MAMDC2: variants seen among roughly 807,000 people sequenced by gnomAD.
MAMDC2 encodes MAM domain containing 2, also known as MAM domain-containing protein 2.
Under a neutral mutation model 89.8 loss-of-function variants are expected in MAMDC2, and 57 were observed. The ratio of observed to expected loss-of-function variants is 0.63; its 90% CI spans 0.51 to 0.79. The LOEUF (loss-of-function observed/expected upper bound fraction) is 0.79, where lower values mean the gene tolerates loss of function less well. Ranked by LOEUF, MAMDC2 falls within the 30% of genes least tolerant of loss-of-function variation. MAMDC2 has a pLI of 0.00. For missense variants in MAMDC2, 800 were observed against 820.6 expected, an observed-to-expected ratio of 0.97 and a Z score of 0.31; for synonymous variants, 313 against 293.4, an observed-to-expected ratio of 1.07 and a Z score of -0.68.
chr9:70,204,264 T>G (rs1403796424), intron 11 of MAMDC2, among the ~76,000 whole-genome samples: 1 of 150,454 alleles, frequency 6.6e-6, no homozygotes, highest in Non-Finnish European at 1.5e-5. Flanking sequence ...TTGTTAGTTT[T>G]CCTTCTAACA....
intron 12 of MAMDC2, among the ~76,000 whole-genome samples, chr9:70,224,053 A>C (rs1260091209): frequency 6.6e-6 from 1 of 152,164 alleles, no homozygotes; most frequent in Non-Finnish European, 1.5e-5. Context: ...GAAGGCCAAA[A>C]AAACAGATTT....
chr9:70,179,375 T>C (rs896255851), intron 11 of MAMDC2, among the ~76,000 whole-genome samples: 35 of 145,544 alleles, frequency 2.4e-4, no homozygotes, highest in Admixed American at 1.9e-3. Context: ...ACACACAAAA[T>C]TAGCTGGGTG....
At chr9:70,067,364 C>A (rs888139827) in intron 2 of MAMDC2, among the ~76,000 whole-genome samples, 3 of 152,130 alleles carry the variant, frequency 2.0e-5, no homozygotes, top group African/African-American at 4.8e-5. Context: ...CATGGAGGGA[C>A]ACTCCCTGTC....
intron 12 of MAMDC2, among the ~76,000 whole-genome samples, chr9:70,224,923 T>C (rs748996108): frequency 3.3e-5 from 5 of 152,198 alleles, no homozygotes; most frequent in Non-Finnish European, 7.3e-5. Context: ...TATTCTTTAA[T>C]TTTAGGGAGG....
At chr9:70,153,245 A>C (rs1184792175) in intron 9 of MAMDC2, 1 of 152,244 alleles carries the variant, frequency 6.6e-6, no homozygotes, top group African/African-American at 2.4e-5. Flanking sequence ...AATAGAGAGC[A>C]GGTAATCAAC....
At chr9:70,165,260 C>A (rs946411794) in intron 9 of MAMDC2, among the ~76,000 whole-genome samples, 4 of 152,156 alleles carry the variant, frequency 2.6e-5, no homozygotes, top group African/African-American at 9.7e-5. Context: ...CACTCATCCG[C>A]TTGCCCAGTC....
Position 70,047,434 on chromosome 9 carries a change from T to C in MAMDC2, c.148+2737T>C, listed in dbSNP as rs758242186. ...GTTCTCATTGTTCAACTCCCACTTA[T>C]GAGTGAGAACATGAGGTGTTTGGTT... On this transcript the variant is annotated intron_variant, in intron 2 of 13. Coordinates refer to ENST00000377182, the MANE Select transcript of MAMDC2 (RefSeq NM_153267.5). Among the ~76,000 whole-genome samples the C allele has an allele frequency of 2.2e-4, 33 of 152,184 alleles. 1 individual carries two copies. The highest frequency in any genetic ancestry group is 4.3e-4 in the Non-Finnish European group (29 of 68,030).
At chr9:70,176,674 C>G (rs907349665) in intron 11 of MAMDC2, among the ~76,000 whole-genome samples, 7 of 152,172 alleles carry the variant, frequency 4.6e-5, no homozygotes, top group African/African-American at 1.7e-4. Flanking sequence ...TTCCACTTTT[C>G]TAACTAACTC....
chr9:70,204,980 G>T (rs1021423862), intron 11 of MAMDC2, among the ~76,000 whole-genome samples: 16 of 152,164 alleles, frequency 1.1e-4, no homozygotes, highest in African/African-American at 3.9e-4. Flanking sequence ...AGATGCACCC[G>T]GTACCTCAGA....
chr9:70,200,723 T>G lies in MAMDC2; in HGVS notation c.1652-17614T>G, dbSNP rs1176695538. Among the ~76,000 whole-genome samples the G allele has an allele frequency of 2.7e-5, 4 of 146,784 alleles. No homozygotes were observed. The East Asian group carries it at 8.3e-4, about 30-fold the overall frequency. ...TCCATTTGTTTGTATCCTCTTTTAT[T>G]TCCTTGAGCAGTGGTTTGTAGTTCT... On this transcript the variant is annotated intron_variant, in intron 11 of 13. Transcript: ENST00000377182.
chr9:70,136,031 G>A (rs1475710094), intron 7 of MAMDC2, among the ~76,000 whole-genome samples: 1 of 152,030 alleles, frequency 6.6e-6, no homozygotes, highest in Non-Finnish European at 1.5e-5. Context: ...CATGCCTATG[G>A]TCCCAGCTTC....
chr9:70,062,747 T>C (rs1194396673), intron 2 of MAMDC2: 1 of 152,232 alleles, frequency 6.6e-6, no homozygotes, highest in African/African-American at 2.4e-5. Flanking sequence ...TGGGTCTGGC[T>C]GTTGAAGAGA....
Position 70,108,386 on chromosome 9 carries a change from T to G in MAMDC2, c.324T>G (p.Asp108Glu), listed in dbSNP as rs142157474. The G allele has an allele frequency of 3.0e-5, 49 of 1,614,020 alleles. No individual in the cohort carries two copies. The African/African-American group carries it at 5.5e-4, about 18-fold the overall frequency. Residue 108 changes from aspartate to glutamate, a missense_variant, in exon 3 of 14, where the codon GAT becomes GAG. By Grantham distance (45) the Asp-to-Glu change is conservative. Transcript: ENST00000377182. Reference protein sequence around the residue: ...SQLNLYMRFEDESFDRLLWSA... With the variant: ...SQLNLYMRFEEESFDRLLWSA... ...TGAACCTCTACATGAGATTTGAAGATGAAAGCTTTGATCGCTTGCTTTGGT... is the reference window on the plus strand; with the variant it reads ...TGAACCTCTACATGAGATTTGAAGAGGAAAGCTTTGATCGCTTGCTTTGGT...
At chr9:70,146,667 T>G (rs1325668216) in intron 9 of MAMDC2, among the ~76,000 whole-genome samples, 1 of 152,120 alleles carries the variant, frequency 6.6e-6, no homozygotes, top group Non-Finnish European at 1.5e-5. Flanking sequence ...GAGTAGTGGC[T>G]CACACCTGAA....
intron 2 of MAMDC2, among the ~76,000 whole-genome samples, chr9:70,091,424 C>A (rs1007703250): frequency 6.6e-6 from 1 of 152,136 alleles, no homozygotes; most frequent in South Asian, 2.1e-4. Flanking sequence ...GAGGGTCCAC[C>A]ATGACTTTCG....
chr9:70,058,243 C>T (rs1259098072), intron 2 of MAMDC2, among the ~76,000 whole-genome samples: 1 of 152,112 alleles, frequency 6.6e-6, no homozygotes, highest in East Asian at 1.9e-4. Flanking sequence ...ATGTTCTTTA[C>T]AGATGAAGAA....
intron 2 of MAMDC2, among the ~76,000 whole-genome samples, chr9:70,071,260 G>A (rs1261151664): frequency 6.6e-6 from 1 of 152,204 alleles, no homozygotes; most frequent in African/African-American, 2.4e-5. Context: ...ATTTACGTAA[G>A]ATGTCATAGT....
intron 2 of MAMDC2, among the ~76,000 whole-genome samples, chr9:70,056,040 C>T (rs1006094789): frequency 9.9e-5 from 15 of 152,112 alleles, no homozygotes; most frequent in African/African-American, 3.6e-4. Flanking sequence ...ATTTCCATTC[C>T]TTATTTGAAA....
intron 2 of MAMDC2, among the ~76,000 whole-genome samples, chr9:70,075,575 G>A (rs1156894038): frequency 1.3e-5 from 2 of 152,180 alleles, no homozygotes; most frequent in Non-Finnish European, 2.9e-5. Flanking sequence ...AAGCCGTGAG[G>A]AAACAGACAT....
Sources: allele counts gnomAD v4.1 joint callset (sites outside exome capture counted in the v4.1 genomes callset), GRCh38; gene constraint gnomAD v4.1.1; transcripts MANE v1.5; gene names NCBI Gene and HGNC (gene_info 2026-07-23, HGNC 2026-07-21).